The following SERPINI1 variants were observed in gnomAD, a reference collection of about 807,000 sequenced individuals.
SERPINI1 encodes neuroserpin.
SERPINI1 carries 19 observed loss-of-function variants against 41.1 expected under a neutral mutation model. The ratio of observed to expected loss-of-function variants is 0.46; its 90% CI spans 0.32 to 0.68. The LOEUF (loss-of-function observed/expected upper bound fraction) is 0.68. Among genes scored for constraint, SERPINI1 ranks in the 30% least tolerant of loss-of-function variants. SERPINI1 has a pLI of 0.03. For synonymous variants in SERPINI1, 138 were observed against 156.6 expected (o/e 0.88, Z 0.89); for missense variants, 460 against 479.2 (o/e 0.96, Z 0.37).
chr3:167,809,153 G>C (rs1329840445), intron 6 of SERPINI1, among the ~76,000 whole-genome samples: 1 of 152,112 alleles, frequency 6.6e-6, no homozygotes, highest in Non-Finnish European at 1.5e-5. Flanking sequence ...GGGTTATCAA[G>C]AATGTAGGAC....
At chr3:167,804,230 C>T (rs1248217158) in intron 5 of SERPINI1, among the ~76,000 whole-genome samples, 1 of 152,134 alleles carries the variant, frequency 6.6e-6, no homozygotes, top group East Asian at 1.9e-4. Flanking sequence ...TATACATGTA[C>T]TCATCTGTCA....
intron 2 of SERPINI1, among the ~76,000 whole-genome samples, chr3:167,789,607 C>T (rs1230084149): frequency 1.3e-5 from 2 of 152,248 alleles, no homozygotes; most frequent in East Asian, 1.9e-4. Context: ...TTATGATTTA[C>T]ATAAACTCCT....
chr3:167,769,138 T>G (rs1744556962), intron 1 of SERPINI1, among the ~76,000 whole-genome samples: 1 of 152,012 alleles, frequency 6.6e-6, no homozygotes, highest in African/African-American at 2.4e-5. Flanking sequence ...GGACTACAGG[T>G]GCACACCACC....
intron 1 of SERPINI1, among the ~76,000 whole-genome samples, chr3:167,769,669 C>A (rs187065747): frequency 6.9e-4 from 105 of 152,178 alleles, no homozygotes; most frequent in Non-Finnish European, 9.3e-4. Flanking sequence ...CAAGTCATGC[C>A]TTAGAGTCAT....
chr3:167,739,811 C>A (rs1451744678), intron 1 of SERPINI1, among the ~76,000 whole-genome samples: 1 of 151,920 alleles, frequency 6.6e-6, no homozygotes, highest in Non-Finnish European at 1.5e-5. Flanking sequence ...GACCTAGAAA[C>A]AAATTAATCT....
At chr3:167,768,186 C>A (rs1474476121) in intron 1 of SERPINI1, among the ~76,000 whole-genome samples, 4 of 152,196 alleles carry the variant, frequency 2.6e-5, no homozygotes, top group Non-Finnish European at 5.9e-5. Context: ...CAACCGCCAG[C>A]CTTATCAGTG....
chr3:167,753,592 A>G (rs1055968604), intron 1 of SERPINI1, among the ~76,000 whole-genome samples: 40 of 152,084 alleles, frequency 2.6e-4, no homozygotes, highest in African/African-American at 9.4e-4. Flanking sequence ...TGAGGTGGGT[A>G]TCTTAAACTT....
intron 1 of SERPINI1, among the ~76,000 whole-genome samples, chr3:167,738,544 AT>A (rs1239497297): frequency 6.6e-6 from 1 of 151,994 alleles, no homozygotes; most frequent in Non-Finnish European, 1.5e-5. Flanking sequence ...GAGAAAAAAG[AT>A]TTTATATTTT....
At chr3:167,768,999 T>TGTTC (rs1726655379) in intron 1 of SERPINI1, among the ~76,000 whole-genome samples, 1 of 151,742 alleles carries the variant, frequency 6.6e-6, no homozygotes, top group African/African-American at 2.4e-5. Flanking sequence ...TTTGTTTGTT[T>TGTTC]GTTTGTTTGT....
At chr3:167,822,318 G>T (rs903232565) in intron 6 of SERPINI1, among the ~76,000 whole-genome samples, 8 of 152,084 alleles carry the variant, frequency 5.3e-5, no homozygotes, top group Admixed American at 1.3e-4. Context: ...ATAAATTTGT[G>T]TAAAACATAA....
At chr3:167,742,312 AC>A (rs1235733985) in intron 1 of SERPINI1, among the ~76,000 whole-genome samples, 2 of 152,192 alleles carry the variant, frequency 1.3e-5, no homozygotes, top group Admixed American at 6.5e-5. Flanking sequence ...TCAACTAGAA[AC>A]GCTTTCAGCT....
rs545313654 is a variant in SERPINI1 at position 167,799,145 on chromosome 3, AACCCATC to A, written c.881+4325_881+4331del. Among the ~76,000 whole-genome samples, 382 of 152,214 alleles carry A rather than the reference AACCCATC, an allele frequency of 2.5e-3. 1 individual carries two copies. The highest frequency in any genetic ancestry group is 4.0e-3 in the Non-Finnish European group (273 of 68,012). On this transcript the variant is annotated intron_variant, in intron 5 of 8. Transcript: ENST00000446050. ...GCCATGGTGGTTTGCTGCACCCATCAACCCATCACCTACATTAGGTATTTCTCCTAAT... is the reference window on the plus strand; with the variant it reads ...GCCATGGTGGTTTGCTGCACCCATCAACCTACATTAGGTATTTCTCCTAAT...
intron 1 of SERPINI1, among the ~76,000 whole-genome samples, chr3:167,763,807 A>G (rs979618342): frequency 6.6e-6 from 1 of 152,150 alleles, no homozygotes; most frequent in African/African-American, 2.4e-5. Context: ...AGTAGCAATC[A>G]CCAGACCACA....
In SERPINI1 at chr3:167,788,752, A is replaced by G. The variant is rs182418754; in HGVS notation, c.-18-359A>G. Among the ~76,000 whole-genome samples, 4 of 152,270 alleles carry G rather than the reference A, an allele frequency of 2.6e-5. 1 individual carries two copies. The East Asian group carries it at 7.7e-4, about 29-fold the overall frequency. ...TGCTAGTTCATCTTAAGCCCTGTAAATATCTTTTGGTTTTCATTATACTTG... is the reference window on the plus strand; with the variant it reads ...TGCTAGTTCATCTTAAGCCCTGTAAGTATCTTTTGGTTTTCATTATACTTG... On this transcript the variant is annotated intron_variant, in intron 1 of 8. Coordinates refer to ENST00000446050, the MANE Select transcript of SERPINI1 (RefSeq NM_001122752.2).
intron 1 of SERPINI1, chr3:167,736,119 T>C (rs888413210): frequency 5.9e-5 from 9 of 152,204 alleles, no homozygotes; most frequent in Admixed American, 2.0e-4. Flanking sequence ...GTGGATGTTA[T>C]CTGGTGGATG....
intron 3 of SERPINI1, among the ~76,000 whole-genome samples, chr3:167,791,039 T>G (rs3804613): frequency 0.13 from 19,841 of 152,122 alleles, 1,594 homozygotes; most frequent in African/African-American, 0.22. Flanking sequence ...TCATTGGTAA[T>G]TTAAAACATT....
intron 6 of SERPINI1, among the ~76,000 whole-genome samples, 178 bp downstream of exon 6, chr3:167,807,519 CA>C (rs1448713095): frequency 1.3e-5 from 2 of 152,118 alleles, no homozygotes; most frequent in African/African-American, 4.8e-5. Flanking sequence ...ATAGTCTTAA[CA>C]TTAAGTTTAT....
At chr3:167,808,385 C>T (rs1336710969) in intron 6 of SERPINI1, among the ~76,000 whole-genome samples, 4 of 150,848 alleles carry the variant, frequency 2.7e-5, no homozygotes, top group Non-Finnish European at 4.4e-5. Flanking sequence ...AAGAAATTTG[C>T]CATCACAAAA....
intron 4 of SERPINI1, 42 bp downstream of exon 4, chr3:167,792,826 A>G: frequency 1.4e-6 from 2 of 1,477,378 alleles, no homozygotes; most frequent in Non-Finnish European, 1.9e-6. Context: ...CTTGCAGAAT[A>G]TCAACAGATT....
Sources: allele counts gnomAD v4.1 joint callset (sites outside exome capture counted in the v4.1 genomes callset), GRCh38; gene constraint gnomAD v4.1.1; transcripts MANE v1.5; gene names NCBI Gene and HGNC (gene_info 2026-07-23, HGNC 2026-07-21).